Variants in MAL observed in about 807,000 individuals in gnomAD.
MAL encodes the protein mal, T cell differentiation protein (MAL blood group).
In MAL, 5 loss-of-function variants were observed where a neutral mutation model predicts 16.7. The ratio of observed to expected loss-of-function variants is 0.30; its 90% CI spans 0.16 to 0.63. The LOEUF (loss-of-function observed/expected upper bound fraction) is 0.63, where lower values mean the gene tolerates loss of function less well. MAL is among the 30% of genes least tolerant of loss of function. MAL has a pLI of 0.82. For missense variants in MAL, 202 were observed against 195.8 expected, an observed-to-expected ratio of 1.03 and a Z score of -0.19; for synonymous variants, 96 against 85.5, an observed-to-expected ratio of 1.12 and a Z score of -0.67.
In MAL at chr2:95,046,463, C is replaced by T. The variant is rs559417048; in HGVS notation, c.94-1496C>T. Among the ~76,000 whole-genome samples, 12 of 152,268 alleles carry T rather than the reference C, an allele frequency of 7.9e-5. No individual in the cohort carries two copies. In the East Asian group the frequency reaches 2.1e-3, roughly 27 times the overall value. ...GGGAAAGAGAAGTGCAGAAAGTCCC[C>T]GCTGGGGTTTGTACACGCCTGTCCA... On this transcript the variant is annotated intron_variant, in intron 1 of 3. Coordinates refer to ENST00000309988, the MANE Select transcript of MAL (RefSeq NM_002371.4).
chr2:95,029,003 T>C (rs892626439), intron 1 of MAL, among the ~76,000 whole-genome samples: 3 of 152,236 alleles, frequency 2.0e-5, no homozygotes, highest in African/African-American at 7.2e-5. Context: ...ATGTACTAAA[T>C]GCCACTGAAC....
intron 1 of MAL, 44 bp from the exon 2 acceptor site, chr2:95,047,915 G>A: frequency 1.3e-6 from 2 of 1,587,694 alleles, no homozygotes; most frequent in South Asian, 1.1e-5. Context: ...CCTGGGCTGG[G>A]GCTCTCCTCT....
rs1185215518 is a variant in MAL at position 95,037,856 on chromosome 2, GTGAC to G, written c.94-10095_94-10092del. On this transcript the variant is annotated intron_variant, in intron 1 of 3. Transcript: ENST00000309988. Reference sequence around the variant, plus strand: ...AGTGACTGAGTGACTGAGTGTGTGAGTGACTGACTGAGTGAGTGAGAGACTGAGT... The same window carrying G: ...AGTGACTGAGTGACTGAGTGTGTGAGTGACTGAGTGAGTGAGAGACTGAGT... 1.1e-4 allele frequency among the ~76,000 whole-genome samples: 16 copies of G among 151,600 alleles called. 1 individual carries two copies. Among genetic ancestry groups the G allele is most frequent in the South Asian group, 8.4e-4 (4 of 4,770 alleles).
In MAL at chr2:95,049,572, G is replaced by T. The variant is rs2104361414; in HGVS notation, c.262-9G>T. 6.2e-7 allele frequency: 1 copy of T among 1,614,090 alleles called. No homozygotes were observed. The highest frequency in any genetic ancestry group is 8.5e-7 in the Non-Finnish European group (1 of 1,179,972). Reference sequence around the variant, plus strand: ...TCCCCATCCCTCTGACACCCCGTCTGCCCCATAGGACGCAGCCTACCACTG... The same window carrying T: ...TCCCCATCCCTCTGACACCCCGTCTTCCCCATAGGACGCAGCCTACCACTG... On this transcript the variant is annotated splice_polypyrimidine_tract_variant and intron_variant, in intron 2 of 3. Transcript: ENST00000309988.
At chr2:95,032,163 T>C (rs1321683543) in intron 1 of MAL, among the ~76,000 whole-genome samples, 2 of 152,270 alleles carry the variant, frequency 1.3e-5, no homozygotes, top group Non-Finnish European at 2.9e-5. Context: ...ACGATGCTGC[T>C]GCCAGCAGCG....
intron 1 of MAL, among the ~76,000 whole-genome samples, chr2:95,039,723 G>A (rs551030317): frequency 2.6e-5 from 2 of 76,602 alleles, no homozygotes; most frequent in African/African-American, 1.2e-4. Flanking sequence ...GACTGAGTGA[G>A]TGACTGAGTG....
intron 1 of MAL, among the ~76,000 whole-genome samples, chr2:95,037,492 GTGAC>G (rs200210737): frequency 6.6e-6 from 1 of 151,238 alleles, no homozygotes; most frequent in East Asian, 2.0e-4. Context: ...GACTGAGTGA[GTGAC>G]TGAGTGACTG....
intron 3 of MAL, among the ~76,000 whole-genome samples, chr2:95,052,626 G>C (rs1259421494): frequency 6.6e-6 from 1 of 152,172 alleles, no homozygotes; most frequent in South Asian, 2.1e-4. Flanking sequence ...CACAAAACCA[G>C]GTGCAGAGAT....
chr2:95,052,231 C>T lies in MAL; in HGVS notation c.388-1150C>T, dbSNP rs1189450692. Among the ~76,000 whole-genome samples, 18 of 152,326 alleles carry T rather than the reference C, an allele frequency of 1.2e-4. No individual in the cohort carries two copies. The South Asian group carries it at 3.5e-3, about 30-fold the overall frequency. On this transcript the variant is annotated intron_variant, in intron 3 of 3. Transcript: ENST00000309988. ...GGGCTTTCTGAAGCCAAAATTTGCCCATTCGTGCCCAGCTCTACGTGTTCC... is the reference window on the plus strand; with the variant it reads ...GGGCTTTCTGAAGCCAAAATTTGCCTATTCGTGCCCAGCTCTACGTGTTCC...
chr2:95,028,052 A>G (rs1673986011), intron 1 of MAL, among the ~76,000 whole-genome samples: 1 of 151,682 alleles, frequency 6.6e-6, no homozygotes, highest in African/African-American at 2.4e-5. Context: ...CACGCCTGTA[A>G]TCCCAGCACT....
Position 95,048,589 on chromosome 2 carries a change from AG to A in MAL, c.261+464del, listed in dbSNP as rs1240049121. Among the ~76,000 whole-genome samples the A allele has an allele frequency of 5.9e-5, 9 of 152,298 alleles. No homozygotes were observed. In the East Asian group the frequency reaches 1.7e-3, roughly 29 times the overall value. ...TGCCTTCCAAGCAGGGCTGCCAGAG[AG>A]CACTGGGAAACAGAAGCGGCCTTTG... On this transcript the variant is annotated intron_variant, in intron 2 of 3. Transcript: ENST00000309988.
chr2:95,042,964 T>C (rs1573297423), intron 1 of MAL, among the ~76,000 whole-genome samples: 1 of 152,164 alleles, frequency 6.6e-6, no homozygotes, highest in East Asian at 1.9e-4. Context: ...CAGATTTGAC[T>C]CATGGTTTAC....
At chr2:95,032,838 C>T (rs1674117154) in intron 1 of MAL, among the ~76,000 whole-genome samples, 1 of 152,188 alleles carries the variant, frequency 6.6e-6, no homozygotes, top group Non-Finnish European at 1.5e-5. Flanking sequence ...AGCACTTCTC[C>T]CCAGGCTCTC....
At chr2:95,033,466 A>T (rs1674135473) in intron 1 of MAL, among the ~76,000 whole-genome samples, 1 of 152,002 alleles carries the variant, frequency 6.6e-6, no homozygotes, top group South Asian at 2.1e-4. Flanking sequence ...CCTAAAGACT[A>T]AGTGGTTATT....
chr2:95,044,512 CT>C (rs1674540335), intron 1 of MAL: 1 of 152,194 alleles, frequency 6.6e-6, no homozygotes, highest in Non-Finnish European at 1.5e-5. Context: ...AAAAGTCGGC[CT>C]CATTTTTTAA....
chr2:95,043,606 C>A (rs1338503077), intron 1 of MAL, among the ~76,000 whole-genome samples: 1 of 152,252 alleles, frequency 6.6e-6, no homozygotes, highest in Non-Finnish European at 1.5e-5. Context: ...GCGGCAAAGG[C>A]CTGTGCTCCA....
chr2:95,049,606 C>G lies in MAL; in HGVS notation c.287C>G (p.Ala96Gly). ...TLDAAYHCTA[A>G]LFYLSASVLE... ...GACGCAGCCTACCACTGCACCGCTG[C>G]CCTCTTTTACCTCAGCGCCTCAGTC... The change falls in exon 3 of 4, where the codon GCC becomes GGC. Residue 96 changes from alanine (A) to glycine (G), a missense_variant. By Grantham distance (60) the Ala-to-Gly change is moderately conservative. Transcript: ENST00000309988. 2 of 1,614,256 alleles carry G rather than the reference C, an allele frequency of 1.2e-6. No homozygotes were observed. Among genetic ancestry groups the G allele is most frequent in the Non-Finnish European group, 1.7e-6 (2 of 1,180,044 alleles).
Position 95,025,814 on chromosome 2 carries a change from G to C in MAL, c.22G>C (p.Gly8Arg), listed in dbSNP as rs764075737. MAPAAAT[G>R]GSTLPSGFSV... ...CGTCATGGCCCCCGCAGCGGCGACGGGGGGCAGCACCCTGCCCAGTGGCTT... is the reference window on the plus strand; with the variant it reads ...CGTCATGGCCCCCGCAGCGGCGACGCGGGGCAGCACCCTGCCCAGTGGCTT... The change falls in exon 1 of 4, where the codon GGG becomes CGG. Residue 8 changes from glycine to arginine, a missense_variant. Gly to Arg is a moderately radical substitution (Grantham distance 125). Coordinates refer to ENST00000309988, the MANE Select transcript of MAL (RefSeq NM_002371.4). The surrounding 1 kb of genome is among the most constrained non-coding windows in gnomAD (Gnocchi z 5.6). 82 of 1,563,702 alleles carry C rather than the reference G, an allele frequency of 5.2e-5. No homozygotes were observed. The highest frequency in any genetic ancestry group is 6.5e-5 in the Non-Finnish European group (75 of 1,155,414).
chr2:95,047,919 C>A (rs374847504), intron 1 of MAL, 40 bp from the exon 2 acceptor site: 1 of 1,591,408 alleles, frequency 6.3e-7, no homozygotes, highest in African/African-American at 1.3e-5. Context: ...GGCTGGGGCT[C>A]TCCTCTAGGC....
Sources: allele counts gnomAD v4.1 joint callset (sites outside exome capture counted in the v4.1 genomes callset), GRCh38; gene constraint gnomAD v4.1.1; non-coding constraint Gnocchi (gnomAD v3.1); transcripts MANE v1.5; gene names NCBI Gene and HGNC (gene_info 2026-07-23, HGNC 2026-07-21).